Variants in TARBP1 observed in about 807,000 individuals in gnomAD.
TARBP1 encodes the protein tRNA guanosine 2 -O-methyltransferase TARBP1.
TARBP1 carries 144 observed loss-of-function variants against 178.6 expected under a neutral mutation model. The observed-to-expected ratio is 0.81, with a 90% CI of 0.70 to 0.93. The LOEUF (loss-of-function observed/expected upper bound fraction) is 0.93, where lower values mean the gene tolerates loss of function less well. Ranked by LOEUF, TARBP1 falls within the 40% of genes least tolerant of loss-of-function variation. The pLI is 0.00. For missense variants in TARBP1, 2,067 were observed against 2,011.7 expected (o/e 1.03, Z -0.53); for synonymous variants, 787 against 781.0 (o/e 1.01, Z -0.13).
At chr1:234,427,258 T>C (rs1026891068) in intron 19 of TARBP1, 59 bp downstream of exon 19, 9 of 1,182,616 alleles carry the variant, frequency 7.6e-6, no homozygotes, top group African/African-American at 4.6e-5. Flanking sequence ...GTTTGTCATA[T>C]GATGTTAAAT....
At position 234,405,907 on chromosome 1, in the gene TARBP1, C is replaced by T. The variant is rs1304457447; in HGVS notation, c.3985G>A (p.Ala1329Thr). The T allele has an allele frequency of 1.6e-5, 26 of 1,613,598 alleles. No individual in the cohort carries two copies. The highest frequency in any genetic ancestry group is 3.3e-5 in the South Asian group (3 of 90,982). The change falls in exon 24 of 30, where the codon GCA becomes ACA. Residue 1329 changes from alanine (A) to threonine (T), a missense_variant. Ala to Thr is a moderately conservative substitution (Grantham distance 58, BLOSUM62 0). Transcript: ENST00000040877. ...AGGTTGACGAGGGCTCCTTACCCTG[C>T]TCCGTGCATGCTTTCCACTTGATGG... The part of the protein sequence containing the change: ...SLHQVESMHG[A>T]GNAKKNWQRI...
At chr1:234,395,391 C>T (rs975922009) in intron 26 of TARBP1, among the ~76,000 whole-genome samples, 5 of 152,080 alleles carry the variant, frequency 3.3e-5, no homozygotes, top group Admixed American at 3.3e-4. Context: ...AAAAACAATG[C>T]CAGTCTAAAT....
At chr1:234,473,247 C>T (rs563200721) in intron 1 of TARBP1, among the ~76,000 whole-genome samples, 5 of 152,302 alleles carry the variant, frequency 3.3e-5, no homozygotes, top group African/African-American at 1.2e-4. Context: ...ATTTATGCTG[C>T]AAAATCCCCC....
At chr1:234,403,684 ATTTG>A (rs1412133766) in intron 24 of TARBP1, among the ~76,000 whole-genome samples, 2 of 152,010 alleles carry the variant, frequency 1.3e-5, no homozygotes, top group Admixed American at 6.6e-5. Context: ...TGCCTTATTT[ATTTG>A]TTTATTTATT....
intron 24 of TARBP1, among the ~76,000 whole-genome samples, chr1:234,403,623 G>A (rs541143883): frequency 4.6e-5 from 7 of 152,292 alleles, no homozygotes; most frequent in South Asian, 2.1e-4. Context: ...GTCACAAGCC[G>A]ATCCCAAGGA....
chr1:234,432,453 T>C (rs1664554793), intron 14 of TARBP1, among the ~76,000 whole-genome samples: 2 of 151,708 alleles, frequency 1.3e-5, no homozygotes, highest in Admixed American at 1.3e-4. Context: ...AATATATATA[T>C]ATAGGAAAAG....
chr1:234,461,356 G>A (rs1667841856), intron 6 of TARBP1, among the ~76,000 whole-genome samples: 1 of 152,220 alleles, frequency 6.6e-6, no homozygotes, highest in African/African-American at 2.4e-5. Flanking sequence ...CCAGGCTGAA[G>A]TGCAGTGGCT....
At chr1:234,439,475 A>T (rs934955094) in intron 12 of TARBP1, among the ~76,000 whole-genome samples, 6 of 152,190 alleles carry the variant, frequency 3.9e-5, no homozygotes, top group Non-Finnish European at 5.9e-5. Flanking sequence ...AAAAAGGCTG[A>T]ATTTAAATGG....
chr1:234,458,305 T>A (rs1190659545), intron 8 of TARBP1, among the ~76,000 whole-genome samples: 2 of 152,018 alleles, frequency 1.3e-5, no homozygotes, highest in Non-Finnish European at 2.9e-5. Context: ...GATCGTGCCA[T>A]TGCACTCTAG....
intron 22 of TARBP1, among the ~76,000 whole-genome samples, chr1:234,415,751 G>A (rs562964406): frequency 3.3e-5 from 5 of 152,312 alleles, no homozygotes; most frequent in East Asian, 1.9e-4. Flanking sequence ...TGAAGGCACC[G>A]TGTGTCCAGT....
chr1:234,460,052 TA>T (rs1416453210), intron 7 of TARBP1, among the ~76,000 whole-genome samples: 2 of 152,220 alleles, frequency 1.3e-5, no homozygotes, highest in South Asian at 4.1e-4. Context: ...AGTACACATT[TA>T]AACTAGTAAT....
intron 24 of TARBP1, among the ~76,000 whole-genome samples, chr1:234,403,676 C>G (rs147131106): frequency 6.6e-6 from 1 of 151,968 alleles, no homozygotes; most frequent in South Asian, 2.1e-4. Context: ...GCCCAGGGTG[C>G]CTTATTTATT....
chr1:234,426,645 T>C (rs10797544), intron 19 of TARBP1, among the ~76,000 whole-genome samples: 16,895 of 152,144 alleles, frequency 0.11, 1,147 homozygotes, highest in East Asian at 0.23. Context: ...GCTATTTTAA[T>C]CATCTCTATA....
In TARBP1 at chr1:234,478,288, C is replaced by G. The variant is rs773357902; in HGVS notation, c.816G>C (p.Gly272=). The G allele has an allele frequency of 6.3e-7, 1 of 1,591,326 alleles. No homozygotes were observed. Among genetic ancestry groups the G allele is most frequent in the Non-Finnish European group, 8.5e-7 (1 of 1,171,882 alleles). The change falls in exon 1 of 30, where the codon GGG becomes GGC. Residue 272 remains glycine, a synonymous_variant. Coordinates refer to ENST00000040877, the MANE Select transcript of TARBP1 (RefSeq NM_005646.4). ...CWRFWRTVQA[G]LGQADALTRK... ...GCGTCAGGGCGTCCGCCTGGCCCAGCCCCGCCTGCACCGTCCTCCAGAAGC... is the reference window on the plus strand; with the variant it reads ...GCGTCAGGGCGTCCGCCTGGCCCAGGCCCGCCTGCACCGTCCTCCAGAAGC...
At chr1:234,475,124 C>T (rs1455644179) in intron 1 of TARBP1, among the ~76,000 whole-genome samples, 1 of 152,236 alleles carries the variant, frequency 6.6e-6, no homozygotes, top group Non-Finnish European at 1.5e-5. Context: ...TTCAAGCCTG[C>T]CCCGGTGCTC....
chr1:234,405,687 A>G (rs912463945), intron 24 of TARBP1, among the ~76,000 whole-genome samples: 1 of 152,190 alleles, frequency 6.6e-6, no homozygotes, highest in African/African-American at 2.4e-5. Context: ...TGAGGATAAA[A>G]GGGCAATAAG....
chr1:234,456,309 T>C (rs781689705), intron 9 of TARBP1, among the ~76,000 whole-genome samples: 42 of 152,224 alleles, frequency 2.8e-4, no homozygotes, highest in Non-Finnish European at 4.7e-4. Flanking sequence ...CAAGCAATTC[T>C]CCTGTCTCAG....
At chr1:234,440,108 T>A (rs1665443675) in intron 12 of TARBP1, among the ~76,000 whole-genome samples, 1 of 152,140 alleles carries the variant, frequency 6.6e-6, no homozygotes, top group South Asian at 2.1e-4. Context: ...ATGTTCTAAA[T>A]AATTCATGGG....
chr1:234,395,651 A>G (rs1659860350), intron 26 of TARBP1, among the ~76,000 whole-genome samples: 1 of 152,206 alleles, frequency 6.6e-6, no homozygotes, highest in Non-Finnish European at 1.5e-5. Context: ...TCTGTTCAGG[A>G]CAGAGGCTGG....
Sources: gnomAD v4.1 joint callset for allele counts (sites outside exome capture counted in the v4.1 genomes callset) on GRCh38, gnomAD v4.1.1 for gene constraint, MANE v1.5 for transcripts, NCBI Gene and HGNC (gene_info 2026-07-23, HGNC 2026-07-21) for gene names.